Variants in CHN2 observed in about 807,000 individuals in gnomAD.
The protein encoded by CHN2 is chimerin 2, also known as beta-chimaerin.
A neutral mutation model predicts 56.3 loss-of-function variants in CHN2; 35 were observed. The ratio of observed to expected loss-of-function variants is 0.62; its 90% CI spans 0.47 to 0.82. The LOEUF is 0.82. Among genes scored for constraint, CHN2 ranks in the 40% least tolerant of loss-of-function variants. CHN2 has a pLI of 0.00. For synonymous variants in CHN2, 210 were observed against 212.8 expected (o/e 0.99, Z 0.12); for missense variants, 491 against 580.5 (o/e 0.85, Z 1.58).
chr7:29,405,177 A>ACC (rs1802538501), intron 6 of CHN2, among the ~76,000 whole-genome samples: 2 of 80,000 alleles, frequency 2.5e-5, no homozygotes, highest in Non-Finnish European at 4.7e-5. Flanking sequence ...ACACACACAC[A>ACC]CACACACACA....
chr7:29,493,035 G>C (rs1420136), intron 7 of CHN2, among the ~76,000 whole-genome samples: 120,551 of 152,180 alleles, frequency 0.79, 48,669 homozygotes, highest in African/African-American at 0.95. Context: ...TTTAGGTCAA[G>C]AATGAACCAC....
intron 6 of CHN2, among the ~76,000 whole-genome samples, chr7:29,408,797 G>A (rs1802901151): frequency 6.6e-6 from 1 of 152,132 alleles, no homozygotes; most frequent in Non-Finnish European, 1.5e-5. Flanking sequence ...AAAGAGGAAC[G>A]GAAGAGGAAA....
chr7:29,421,086 T>C (rs75799090), intron 6 of CHN2, among the ~76,000 whole-genome samples: 2,429 of 152,262 alleles, frequency 0.016, 60 homozygotes, highest in African/African-American at 0.056. Flanking sequence ...AGCCACCATG[T>C]CCGGCTATAT....
intron 6 of CHN2, chr7:29,480,028 TA>T (rs1786980621): frequency 6.6e-7 from 1 of 1,523,854 alleles, no homozygotes; most frequent in Admixed American, 2.0e-5. Context: ...CCGCCTAACA[TA>T]AGCTGCGGTT....
chr7:29,195,629 AGTGTGTGTGTGT>A (rs70980513), intron 1 of CHN2, among the ~76,000 whole-genome samples: 47 of 117,548 alleles, frequency 4.0e-4, no homozygotes, highest in Non-Finnish European at 4.7e-4. Context: ...AGAGAGAGAG[AGTGTGTGTGTGT>A]GTGTGTGTGA....
intron 6 of CHN2, among the ~76,000 whole-genome samples, chr7:29,429,838 A>T (rs1464642134): frequency 6.6e-6 from 1 of 152,240 alleles, no homozygotes; most frequent in Non-Finnish European, 1.5e-5. Flanking sequence ...TTTGTGCTTT[A>T]TATGGACTTT....
At chr7:29,177,913 C>T (rs1354126288) in intron 2 of CHN2, among the ~76,000 whole-genome samples, 6 of 152,142 alleles carry the variant, frequency 3.9e-5, no homozygotes, top group Admixed American at 1.3e-4. Flanking sequence ...TTCACATGTC[C>T]GAAACACAAC....
chr7:29,151,159 GC>G (rs1228809149), intron 2 of CHN2, among the ~76,000 whole-genome samples: 2 of 152,190 alleles, frequency 1.3e-5, no homozygotes, highest in Non-Finnish European at 2.9e-5. Context: ...CCTAAGACTA[GC>G]CACAGGCTAC....
intron 2 of CHN2, 101 bp downstream of exon 2, chr7:29,354,764 A>C: frequency 9.6e-7 from 1 of 1,043,424 alleles, no homozygotes; most frequent in Non-Finnish European, 1.5e-6. Flanking sequence ...TTCCCACCTC[A>C]CAGCACTGAA....
intron 1 of CHN2, among the ~76,000 whole-genome samples, chr7:29,285,230 C>T (rs60030547): frequency 0.14 from 21,396 of 152,172 alleles, 2,542 homozygotes; most frequent in African/African-American, 0.32. Flanking sequence ...TCTGGCTCAC[C>T]GTAATTCCCA....
chr7:29,483,837 C>T (rs1787638439), intron 7 of CHN2: 1 of 1,278,092 alleles, frequency 7.8e-7, no homozygotes, highest in African/African-American at 1.5e-5. Context: ...GTAGCTTTAG[C>T]CCGCATAGTA....
chr7:29,446,849 G>A (rs1784068008), intron 6 of CHN2, among the ~76,000 whole-genome samples: 2 of 152,216 alleles, frequency 1.3e-5, no homozygotes, highest in Non-Finnish European at 2.9e-5. Context: ...CAGCTGGAGT[G>A]GAAAGTCTTA....
At chr7:29,501,810 T>C (rs976106168) in intron 9 of CHN2, among the ~76,000 whole-genome samples, 10 of 152,184 alleles carry the variant, frequency 6.6e-5, no homozygotes, top group Non-Finnish European at 1.3e-4. Flanking sequence ...CTTATTGTTC[T>C]CCAAATGTTC....
At chr7:29,149,183 GTTTCCCT>G (rs1793214206) in intron 2 of CHN2, among the ~76,000 whole-genome samples, 1 of 121,014 alleles carries the variant, frequency 8.3e-6, no homozygotes, top group Non-Finnish European at 1.7e-5. Flanking sequence ...TGGGAAGTCT[GTTTCCCT>G]TTTTTTTTTT....
chr7:29,365,504 GT>G (rs1799082260), intron 2 of CHN2, among the ~76,000 whole-genome samples: 1 of 152,222 alleles, frequency 6.6e-6, no homozygotes, highest in Non-Finnish European at 1.5e-5. Flanking sequence ...TGGATCTGGT[GT>G]GAGAGATGTC....
chr7:29,272,481 G>C (rs1191353915), intron 1 of CHN2, among the ~76,000 whole-genome samples: 3 of 152,158 alleles, frequency 2.0e-5, no homozygotes, highest in African/African-American at 7.2e-5. Context: ...GGCAGGCAAT[G>C]AGGCTACTAA....
At chr7:29,328,878 A>G (rs989172727) in intron 1 of CHN2, among the ~76,000 whole-genome samples, 1 of 152,080 alleles carries the variant, frequency 6.6e-6, no homozygotes, top group African/African-American at 2.4e-5. Flanking sequence ...CTGTTGATGA[A>G]AAGAAAAGTT....
At position 29,499,901 on chromosome 7, in the gene CHN2, G is replaced by A. The variant is rs1789756700; in HGVS notation, c.774G>A (p.Lys258=). Residue 258 remains lysine (K), a synonymous_variant, in exon 9 of 13, where the codon AAG becomes AAA. Transcript: ENST00000222792. ...TGAACGTACACAAACAGTGTTCCAA[G>A]CACGTTCCCAATGACTGCCAACCTG... The part of the protein sequence containing the change: ...CGLNVHKQCS[K]HVPNDCQPDL... 6 of 1,609,624 alleles carry A rather than the reference G, an allele frequency of 3.7e-6. No individual in the cohort carries two copies. The highest frequency in any genetic ancestry group is 5.1e-6 in the Non-Finnish European group (6 of 1,178,546).
At chr7:29,247,528 C>T (rs1788168380) in intron 1 of CHN2, among the ~76,000 whole-genome samples, 2 of 152,212 alleles carry the variant, frequency 1.3e-5, no homozygotes, top group African/African-American at 4.8e-5. Context: ...CAGAGACTGC[C>T]TCAGTGCCCC....
Sources: gnomAD v4.1 joint callset for allele counts (sites outside exome capture counted in the v4.1 genomes callset) on GRCh38, gnomAD v4.1.1 for gene constraint, MANE v1.5 for transcripts, NCBI Gene and HGNC (gene_info 2026-07-23, HGNC 2026-07-21) for gene names.